Variants in PON3 observed in about 807,000 individuals in gnomAD.
The protein encoded by PON3 is serum paraoxonase/lactonase 3.
PON3 carries 37 observed loss-of-function variants against 36.3 expected under a neutral mutation model. The ratio of observed to expected loss-of-function variants is 1.02; its 90% CI spans 0.78 to 1.34. The LOEUF (loss-of-function observed/expected upper bound fraction) is 1.34, where lower values mean the gene tolerates loss of function less well. PON3 is among the 40% of genes most tolerant of loss of function. PON3 has a pLI of 0.00. For missense variants in PON3, 415 were observed against 426.5 expected, an observed-to-expected ratio of 0.97 and a Z score of 0.24; for synonymous variants, 155 against 154.8, an observed-to-expected ratio of 1.00 and a Z score of -0.01.
intron 5 of PON3, chr7:95,365,950 T>A (rs1808681092): frequency 6.7e-6 from 1 of 150,228 alleles, no homozygotes; most frequent in Non-Finnish European, 1.5e-5. Flanking sequence ...CTTTACTAAT[T>A]ACATCTGCAA....
At chr7:95,383,665 C>G (rs1178437111) in intron 3 of PON3, among the ~76,000 whole-genome samples, 1 of 152,126 alleles carries the variant, frequency 6.6e-6, no homozygotes, top group Admixed American at 6.6e-5. Flanking sequence ...AGGACCTCTT[C>G]AAGGAGAACT....
chr7:95,362,314 T>C (rs770313880), intron 8 of PON3, 48 bp downstream of exon 8: 2 of 1,609,958 alleles, frequency 1.2e-6, no homozygotes, highest in Admixed American at 1.7e-5. Flanking sequence ...CCCAACAAAT[T>C]TGTTCTTGCA....
chr7:95,374,859 CCTT>C (rs1284797900), intron 3 of PON3, among the ~76,000 whole-genome samples: 1 of 152,104 alleles, frequency 6.6e-6, no homozygotes, highest in Non-Finnish European at 1.5e-5. Flanking sequence ...ATTTATACCT[CCTT>C]CTGTTTTTAT....
At chr7:95,373,480 A>C (rs1246231095) in intron 3 of PON3, among the ~76,000 whole-genome samples, 2 of 152,136 alleles carry the variant, frequency 1.3e-5, no homozygotes, top group Non-Finnish European at 2.9e-5. Context: ...TCATCAGAGG[A>C]GGCACTGTTC....
At chr7:95,394,193 A>G (rs988235578) in intron 2 of PON3, among the ~76,000 whole-genome samples, 1 of 152,106 alleles carries the variant, frequency 6.6e-6, no homozygotes, top group African/African-American at 2.4e-5. Flanking sequence ...CACTGCGCCC[A>G]GCCTGCTGTG....
chr7:95,378,342 C>G lies in PON3; in HGVS notation c.202-6004G>C, dbSNP rs112167218. 5.3e-3 allele frequency among the ~76,000 whole-genome samples: 805 copies of G among 152,266 alleles called. 5 individuals carry two copies. Among genetic ancestry groups the G allele is most frequent in the African/African-American group, 0.018 (761 of 41,546 alleles). Reference sequence around the variant, plus strand: ...TAGAAAACACTCTTCAGGATATTATCCAGGAGAACTTCCCCAACCTAGCAA... The same window carrying G: ...TAGAAAACACTCTTCAGGATATTATGCAGGAGAACTTCCCCAACCTAGCAA... On this transcript the variant is annotated intron_variant, in intron 3 of 8. Transcript: ENST00000265627.
chr7:95,372,430 T>A lies in PON3; in HGVS notation c.202-92A>T, dbSNP rs181049040. 1.0e-4 allele frequency: 142 copies of A among 1,396,662 alleles called. 1 individual carries two copies. The East Asian group carries it at 2.8e-3, about 27-fold the overall frequency. The allele number at this position is 1,396,662 out of a possible 1,614,324, so 86.5% of individuals were successfully genotyped here. On this transcript the variant is annotated intron_variant, in intron 3 of 8. Coordinates refer to ENST00000265627, the MANE Select transcript of PON3 (RefSeq NM_000940.3). ...AAAATCTCAAAGCCAAATAAAAATG[T>A]TCAAAGTTCTAAATTTCATTTAGAT... is the stretch of plus-strand genomic sequence containing the variant.
chr7:95,390,014 T>C, intron 3 of PON3, 140 bp downstream of exon 3: 1 of 921,660 alleles, frequency 1.1e-6, no homozygotes. Flanking sequence ...AAAATTCTGT[T>C]TTGGCTTTTT....
At chr7:95,379,356 G>T (rs539008019) in intron 3 of PON3, among the ~76,000 whole-genome samples, 1 of 152,350 alleles carries the variant, frequency 6.6e-6, no homozygotes, top group African/African-American at 2.4e-5. Flanking sequence ...GACAGTGGGT[G>T]CAGGACAGTG....
At chr7:95,379,987 T>G (rs938549964) in intron 3 of PON3, among the ~76,000 whole-genome samples, 1 of 152,168 alleles carries the variant, frequency 6.6e-6, no homozygotes, top group African/African-American at 2.4e-5. Flanking sequence ...CATGGCCAGG[T>G]ACCCCTCTGA....
intron 3 of PON3, among the ~76,000 whole-genome samples, chr7:95,378,900 A>G (rs1808980788): frequency 6.6e-6 from 1 of 152,172 alleles, no homozygotes; most frequent in South Asian, 2.1e-4. Flanking sequence ...TTCAAACATA[A>G]CAATATTAAC....
intron 3 of PON3, among the ~76,000 whole-genome samples, chr7:95,389,799 T>C (rs1274134044): frequency 2.0e-5 from 3 of 152,138 alleles, no homozygotes; most frequent in Non-Finnish European, 2.9e-5. Flanking sequence ...AGTGGGAAGA[T>C]GACTACCAGA....
chr7:95,379,406 A>C (rs1166345442), intron 3 of PON3, among the ~76,000 whole-genome samples: 1 of 152,280 alleles, frequency 6.6e-6, no homozygotes, highest in African/African-American at 2.4e-5. Context: ...AGGGTGAGGC[A>C]TCACCTCAGC....
chr7:95,372,434 A>C, intron 3 of PON3, 96 bp from the exon 4 acceptor site: 1 of 1,384,172 alleles, frequency 7.2e-7, no homozygotes, highest in Non-Finnish European at 1.0e-6. Context: ...AAAATGTTCA[A>C]AGTTCTAAAT....
At chr7:95,369,947 C>T (rs879853962) in intron 4 of PON3, among the ~76,000 whole-genome samples, 6 of 152,098 alleles carry the variant, frequency 3.9e-5, no homozygotes, top group Admixed American at 1.3e-4. Context: ...AAGTGGCAGA[C>T]GGACATTCCA....
chr7:95,364,813 C>T (rs1273369566), intron 5 of PON3: 2 of 151,910 alleles, frequency 1.3e-5, no homozygotes, highest in African/African-American at 4.8e-5. Context: ...GATATTCTTT[C>T]TTACGTTCTT....
chr7:95,384,917 G>A (rs938899790), intron 3 of PON3, among the ~76,000 whole-genome samples: 4 of 152,056 alleles, frequency 2.6e-5, no homozygotes, highest in Admixed American at 6.6e-5. Flanking sequence ...TGTTTATTGC[G>A]GCACTACTCA....
intron 2 of PON3, among the ~76,000 whole-genome samples, chr7:95,392,350 A>C (rs1809336906): frequency 6.6e-6 from 1 of 152,094 alleles, no homozygotes; most frequent in African/African-American, 2.4e-5. Flanking sequence ...TTGACCTAAG[A>C]CTCACAATAT....
chr7:95,390,667 T>C (rs893520881), intron 2 of PON3, among the ~76,000 whole-genome samples: 2 of 152,198 alleles, frequency 1.3e-5, no homozygotes, highest in Admixed American at 6.5e-5. Context: ...AACGCTACAT[T>C]ATACAATCAT....
Sources: gnomAD v4.1 joint callset for allele counts (sites outside exome capture counted in the v4.1 genomes callset) on GRCh38, gnomAD v4.1.1 for gene constraint, MANE v1.5 for transcripts, NCBI Gene and HGNC (gene_info 2026-07-23, HGNC 2026-07-21) for gene names.